The following ANKRD50 variants were observed in gnomAD, a reference collection of about 807,000 sequenced individuals.
The protein encoded by ANKRD50 is ankyrin repeat domain 50, also known as ankyrin repeat domain-containing protein 50.
Under a neutral mutation model 112.0 loss-of-function variants are expected in ANKRD50, and 40 were observed. The observed-to-expected ratio is 0.36, with a 90% CI of 0.28 to 0.46. ANKRD50 has a LOEUF of 0.46. Ranked by LOEUF, ANKRD50 falls within the 20% of genes least tolerant of loss-of-function variation. ANKRD50 has a pLI of 1.00. For missense variants in ANKRD50, 1,487 were observed against 1,701.7 expected, an observed-to-expected ratio of 0.87 and a Z score of 2.22; for synonymous variants, 613 against 619.1, an observed-to-expected ratio of 0.99 and a Z score of 0.15.
intron 2 of ANKRD50, among the ~76,000 whole-genome samples, chr4:124,698,862 CTTAA>C (rs920668565): frequency 4.6e-5 from 7 of 151,992 alleles, no homozygotes; most frequent in African/African-American, 1.7e-4. Flanking sequence ...CCTCCATTTA[CTTAA>C]TTTTTTTCAA....
At chr4:124,682,236 A>C (rs569808159) in intron 2 of ANKRD50, among the ~76,000 whole-genome samples, 3 of 150,288 alleles carry the variant, frequency 2.0e-5, no homozygotes, top group East Asian at 4.0e-4. Context: ...GAATGGCGTG[A>C]ACCCGGGAAG....
rs1578571660 is a variant in ANKRD50, at chr4:124,671,302, T to C, written c.1975A>G (p.Ile659Val). The C allele has an allele frequency of 6.2e-7, 1 of 1,613,828 alleles. No homozygotes were observed. Among genetic ancestry groups the C allele is most frequent in the Non-Finnish European group, 8.5e-7 (1 of 1,179,824 alleles). ...CCATGTTGTAGCAAATTCAGTACAA[T>C]ATCCTCGTGTCCTCCCCATGCTGCT... ...RAAAWGGHED[I>V]VLNLLQHGAE... The change falls in exon 4 of 5, where the codon ATT (isoleucine) becomes GTT (valine). Residue 659 changes from isoleucine (I) to valine (V), a missense_variant. By Grantham distance (29) the Ile-to-Val change is conservative (BLOSUM62 3). Transcript: ENST00000504087.
chr4:124,678,555 GAGAATAGCTGATAGAAGGAGCAAATGC>G, intron 3 of ANKRD50, 94 bp downstream of exon 3: 2 of 835,692 alleles, frequency 2.4e-6, no homozygotes, highest in Non-Finnish European at 3.7e-6. Context: ...ACGCACAATT[GAGAATAGCTGATAGAAGGAGCAAATGC>G]AACACGCAGA....
intron 2 of ANKRD50, among the ~76,000 whole-genome samples, chr4:124,681,831 T>C (rs1419326105): frequency 6.6e-6 from 1 of 152,206 alleles, no homozygotes; most frequent in African/African-American, 2.4e-5. Flanking sequence ...TATCATCCAC[T>C]TAAAAATAAT....
intron 2 of ANKRD50, among the ~76,000 whole-genome samples, chr4:124,681,548 GCCACTATGGT>G (rs1246352604): frequency 6.6e-6 from 1 of 152,150 alleles, no homozygotes; most frequent in Non-Finnish European, 1.5e-5. Context: ...TCCACTCTTA[GCCACTATGGT>G]CCACTGACTA....
intron 2 of ANKRD50, among the ~76,000 whole-genome samples, chr4:124,680,679 G>A (rs1235048740): frequency 6.6e-6 from 1 of 152,108 alleles, no homozygotes; most frequent in Non-Finnish European, 1.5e-5. Flanking sequence ...CTAGAATAAT[G>A]TACATAATAA....
chr4:124,704,095 G>A (rs1239866026), intron 2 of ANKRD50, among the ~76,000 whole-genome samples: 1 of 149,134 alleles, frequency 6.7e-6, no homozygotes, highest in East Asian at 1.9e-4. Flanking sequence ...TTAAAAGTTG[G>A]AAACAATAGA....
In ANKRD50 at chr4:124,669,922, T is replaced by G; in HGVS notation, c.3355A>C (p.Lys1119Gln). 1.2e-6 allele frequency: 2 copies of G among 1,613,494 alleles called. No individual in the cohort carries two copies. Among genetic ancestry groups the G allele is most frequent in the Non-Finnish European group, 1.7e-6 (2 of 1,179,782 alleles). Residue 1119 changes from lysine (K) to glutamine (Q), a missense_variant, in exon 4 of 5, where the codon AAA becomes CAA. Transcript: ENST00000504087. ...TTTGAAGACAATGACTGTAGAGGTT[T>G]TTGCTCCATTGTGTGAACAGGAGAT... is the stretch of plus-strand genomic sequence containing the variant. ...SPSPVHTMEQ[K>Q]PLQSLSSKVQ...
intron 2 of ANKRD50, among the ~76,000 whole-genome samples, chr4:124,683,274 T>C (rs1724933747): frequency 6.6e-6 from 1 of 150,982 alleles, no homozygotes; most frequent in African/African-American, 2.4e-5. Context: ...TCATTATAGT[T>C]AAAAAAAACT....
rs542323227 is a variant in ANKRD50 at position 124,684,353 on chromosome 4, T to C, written c.513-5448A>G. Among the ~76,000 whole-genome samples, 20 of 152,292 alleles carry C rather than the reference T, an allele frequency of 1.3e-4. No individual in the cohort carries two copies. The South Asian group carries it at 4.1e-3, about 32-fold the overall frequency. The stretch of plus-strand genomic sequence containing the variant: ...AGGTATAAACAATTTCTTTGAGCTT[T>C]GACTTCTCCCCAGCCAATTAAGATC... On this transcript the variant is annotated intron_variant, in intron 2 of 4. Transcript: ENST00000504087.
chr4:124,698,602 C>T (rs1186291892), intron 2 of ANKRD50, among the ~76,000 whole-genome samples: 1 of 151,828 alleles, frequency 6.6e-6, no homozygotes, highest in Non-Finnish European at 1.5e-5. Flanking sequence ...GAGAACTTTC[C>T]AAGGGGTCTG....
At chr4:124,692,437 A>T (rs1299077570) in intron 2 of ANKRD50, among the ~76,000 whole-genome samples, 1 of 152,218 alleles carries the variant, frequency 6.6e-6, no homozygotes, top group Non-Finnish European at 1.5e-5. Flanking sequence ...AATTAAATAC[A>T]TATGTAATGT....
In ANKRD50 at chr4:124,669,772, C is replaced by A. The variant is rs554485267; in HGVS notation, c.3505G>T (p.Asp1169Tyr). 1 of 1,613,216 alleles carries A rather than the reference C, an allele frequency of 6.2e-7. No individual in the cohort carries two copies. The highest frequency in any genetic ancestry group is 1.1e-5 in the South Asian group (1 of 90,904). ...HAFSSPSESPDSTVDRQKSSL... is the reference protein window; with the variant it reads ...HAFSSPSESPYSTVDRQKSSL... ...GACTTCTGCCGGTCAACTGTAGAAT[C>A]TGGAGATTCTGAAGGAGAACTAAAA... Residue 1169 changes from aspartate (D) to tyrosine (Y), a missense_variant, in exon 4 of 5, where the codon GAT becomes TAT. Transcript: ENST00000504087.
intron 2 of ANKRD50, among the ~76,000 whole-genome samples, 197 bp downstream of exon 2, chr4:124,709,803 A>G (rs914461409): frequency 2.0e-5 from 3 of 152,188 alleles, no homozygotes; most frequent in Non-Finnish European, 4.4e-5. Context: ...ATTTTAATCC[A>G]TATGCTGTGC....
intron 4 of ANKRD50, among the ~76,000 whole-genome samples, chr4:124,668,339 A>G (rs931032842): frequency 6.6e-6 from 1 of 152,014 alleles, no homozygotes; most frequent in Admixed American, 6.6e-5. Context: ...CATTACTTAG[A>G]AGAGTCTCAA....
intron 2 of ANKRD50, among the ~76,000 whole-genome samples, chr4:124,691,888 T>G (rs1725146516): frequency 6.6e-6 from 1 of 152,194 alleles, no homozygotes; most frequent in African/African-American, 2.4e-5. Flanking sequence ...AGCATTCCTA[T>G]TCCAAAAATC....
chr4:124,671,690 C>A lies in ANKRD50; in HGVS notation c.1587G>T (p.Arg529=), dbSNP rs768842165. 1 of 1,613,868 alleles carries A rather than the reference C, an allele frequency of 6.2e-7. No homozygotes were observed. Among genetic ancestry groups the A allele is most frequent in the South Asian group, 1.1e-5 (1 of 91,080 alleles). ...CTGAAGCTCCATTATCTAATAATGT[C>A]CGAATGGAATCCTCTCTTTCTAAGG... is the stretch of plus-strand genomic sequence containing the variant. ...RQALEREDSI[R]TLLDNGASVN... is the part of the protein sequence containing the mutation. The change falls in exon 4 of 5, where the codon CGG becomes CGT. Residue 529 remains arginine, a synonymous_variant. Coordinates refer to ENST00000504087, the MANE Select transcript of ANKRD50 (RefSeq NM_020337.3).
rs905420465 is a variant in ANKRD50, at chr4:124,676,013, T to C, written c.742+2663A>G. Among the ~76,000 whole-genome samples, 4 of 151,912 alleles carry C rather than the reference T, an allele frequency of 2.6e-5. No individual in the cohort carries two copies. The South Asian group carries it at 8.3e-4, about 31-fold the overall frequency. On this transcript the variant is annotated intron_variant, in intron 3 of 4. Coordinates refer to ENST00000504087, the MANE Select transcript of ANKRD50 (RefSeq NM_020337.3). ...AGCCAATTTAGACATAGTAAAGATC[T>C]TAATGTTACTGGCTATGATGATACA...
chr4:124,708,554 C>T (rs1725556060), intron 2 of ANKRD50, among the ~76,000 whole-genome samples: 1 of 152,010 alleles, frequency 6.6e-6, no homozygotes, highest in African/African-American at 2.4e-5. Context: ...CCCTCTATCA[C>T]TATATGGGTA....
Sources: gnomAD v4.1 joint callset for allele counts (sites outside exome capture counted in the v4.1 genomes callset) on GRCh38, gnomAD v4.1.1 for gene constraint, MANE v1.5 for transcripts, NCBI Gene and HGNC (gene_info 2026-07-23, HGNC 2026-07-21) for gene names.